AGBL4: variants seen among roughly 807,000 people sequenced by gnomAD.
AGBL4 encodes AGBL carboxypeptidase 4.
A neutral mutation model predicts 66.4 loss-of-function variants in AGBL4; 58 were observed. That is an observed-to-expected ratio of 0.87 (90% CI 0.71 to 1.09). AGBL4 has a LOEUF of 1.09. Ranked by LOEUF, AGBL4 falls within the 50% of genes least tolerant of loss-of-function variation. The probability of loss-of-function intolerance (pLI) is 0.00; values close to 1 mark genes in which losing one functional copy is unlikely to be tolerated. For synonymous variants in AGBL4, 234 were observed against 222.9 expected (o/e 1.05, Z -0.44); for missense variants, 579 against 631.0 (o/e 0.92, Z 0.88).
intron 4 of AGBL4, among the ~76,000 whole-genome samples, chr1:49,207,803 G>A (rs1197862759): frequency 6.6e-6 from 1 of 151,694 alleles, no homozygotes; most frequent in Non-Finnish European, 1.5e-5. Context: ...GCCCAGGCTA[G>A]TTTTAAACTC....
chr1:48,555,450 A>G (rs1034343956), intron 11 of AGBL4, among the ~76,000 whole-genome samples: 3 of 152,248 alleles, frequency 2.0e-5, no homozygotes, highest in African/African-American at 7.2e-5. Context: ...GAATAAAGGC[A>G]GAGGCATGTG....
chr1:49,845,956 G>T (rs1646130562), intron 2 of AGBL4: 2 of 1,540,824 alleles, frequency 1.3e-6, no homozygotes, highest in Admixed American at 3.4e-5. Context: ...GCCACAGCTT[G>T]TCCCTCACCA....
chr1:49,002,578 G>A (rs1027389123), intron 5 of AGBL4, among the ~76,000 whole-genome samples: 1 of 152,148 alleles, frequency 6.6e-6, no homozygotes, highest in African/African-American at 2.4e-5. Flanking sequence ...GAACATTAAG[G>A]TCTCATCGGT....
At chr1:49,390,387 T>C (rs1054882880) in intron 3 of AGBL4, among the ~76,000 whole-genome samples, 6 of 152,190 alleles carry the variant, frequency 3.9e-5, no homozygotes, top group Admixed American at 2.0e-4. Flanking sequence ...CTGCATTTCA[T>C]TTGCAATATA....
At chr1:49,452,632 G>A (rs982631732) in intron 3 of AGBL4, among the ~76,000 whole-genome samples, 1 of 151,758 alleles carries the variant, frequency 6.6e-6, no homozygotes, top group Non-Finnish European at 1.5e-5. Flanking sequence ...TACCTGAGAT[G>A]TTCTGCCCTG....
chr1:49,857,513 G>A (rs1200513659), intron 1 of AGBL4, among the ~76,000 whole-genome samples: 1 of 152,146 alleles, frequency 6.6e-6, no homozygotes, highest in Non-Finnish European at 1.5e-5. Context: ...CACAGTGTTA[G>A]TAAATAAACA....
At chr1:48,760,296 G>C (rs1644186120) in intron 6 of AGBL4, among the ~76,000 whole-genome samples, 1 of 152,182 alleles carries the variant, frequency 6.6e-6, no homozygotes, top group Admixed American at 6.5e-5. Flanking sequence ...AGGGCAGGAG[G>C]GTTAGGAGCT....
chr1:49,231,705 C>A (rs757799490), intron 4 of AGBL4, among the ~76,000 whole-genome samples: 2 of 152,152 alleles, frequency 1.3e-5, no homozygotes, highest in Non-Finnish European at 2.9e-5. Context: ...ATACCATACA[C>A]AGAACAAAAT....
At chr1:49,515,010 T>C (rs1483355407) in intron 3 of AGBL4, among the ~76,000 whole-genome samples, 21 of 152,088 alleles carry the variant, frequency 1.4e-4, no homozygotes, top group Non-Finnish European at 2.1e-4. Context: ...CCAAAAGCAA[T>C]GGCAACAAAA....
chr1:49,914,905 C>T (rs550661806), intron 1 of AGBL4, among the ~76,000 whole-genome samples: 2 of 152,108 alleles, frequency 1.3e-5, no homozygotes, highest in South Asian at 2.1e-4. Flanking sequence ...GCTGAACTCT[C>T]ATGTAACTAA....
intron 10 of AGBL4, among the ~76,000 whole-genome samples, chr1:48,590,380 T>C (rs1432012412): frequency 7.4e-6 from 1 of 134,694 alleles, no homozygotes; most frequent in Admixed American, 8.2e-5. Context: ...CACTCCAGCC[T>C]GGGCAATAAG....
At chr1:49,095,905 C>T (rs1480242779) in intron 4 of AGBL4, among the ~76,000 whole-genome samples, 1 of 151,748 alleles carries the variant, frequency 6.6e-6, no homozygotes, top group Non-Finnish European at 1.5e-5. Context: ...AACAGGCAAC[C>T]TACAAAATGG....
intron 3 of AGBL4, among the ~76,000 whole-genome samples, chr1:49,594,641 T>C (rs1426861189): frequency 6.6e-6 from 1 of 152,184 alleles, no homozygotes; most frequent in Non-Finnish European, 1.5e-5. Context: ...CTTGTGTTAG[T>C]TTGCTGAGAA....
intron 9 of AGBL4, among the ~76,000 whole-genome samples, chr1:48,613,941 G>C (rs1345397286): frequency 6.6e-6 from 1 of 152,170 alleles, no homozygotes. Context: ...ATGAGTTAAG[G>C]CCATGAGATA....
chr1:48,529,953 C>G (rs1282920247), downstream of AGBL4, among the ~76,000 whole-genome samples: 1 of 152,084 alleles, frequency 6.6e-6, no homozygotes, highest in Non-Finnish European at 1.5e-5. Flanking sequence ...GCTTCAGCAG[C>G]AAGTGCTAAA....
chr1:49,064,802 T>C (rs1414995674), intron 4 of AGBL4, among the ~76,000 whole-genome samples: 2 of 152,176 alleles, frequency 1.3e-5, no homozygotes, highest in Non-Finnish European at 2.9e-5. Context: ...TTTACCTCTC[T>C]GAAAAGCAAT....
At chr1:49,636,105 T>C (rs184468880) in intron 3 of AGBL4, among the ~76,000 whole-genome samples, 3 of 152,234 alleles carry the variant, frequency 2.0e-5, no homozygotes, top group African/African-American at 7.2e-5. Context: ...TAATTACAGA[T>C]AGATTATAAA....
intron 1 of AGBL4, among the ~76,000 whole-genome samples, chr1:50,020,046 C>A (rs988016257): frequency 6.6e-6 from 1 of 151,872 alleles, no homozygotes; most frequent in South Asian, 2.1e-4. Flanking sequence ...ATATACTTTA[C>A]ATATAAAAGC....
At chr1:48,571,530 T>C (rs1448948818) in intron 11 of AGBL4, among the ~76,000 whole-genome samples, 1 of 152,236 alleles carries the variant, frequency 6.6e-6, no homozygotes, top group African/African-American at 2.4e-5. Context: ...GGCATCCTCA[T>C]GACACTCATG....
Sources: gnomAD v4.1 joint callset for allele counts (sites outside exome capture counted in the v4.1 genomes callset) on GRCh38, gnomAD v4.1.1 for gene constraint, MANE v1.5 for transcripts, NCBI Gene and HGNC (gene_info 2026-07-23, HGNC 2026-07-21) for gene names.